Variants in SLIT1 observed in about 807,000 individuals in gnomAD.
The protein encoded by SLIT1 is slit guidance ligand 1.
SLIT1 carries 66 observed loss-of-function variants against 186.1 expected under a neutral mutation model. That is an observed-to-expected ratio of 0.35 (90% CI 0.29 to 0.44). The LOEUF (loss-of-function observed/expected upper bound fraction) is 0.44, where lower values mean the gene tolerates loss of function less well. SLIT1 is among the 20% of genes least tolerant of loss of function. The pLI is 1.00. For synonymous variants in SLIT1, 761 were observed against 833.8 expected, an observed-to-expected ratio of 0.91 and a Z score of 1.50; for missense variants, 1,638 against 2,037.4, an observed-to-expected ratio of 0.80 and a Z score of 3.77.
intron 4 of SLIT1, among the ~76,000 whole-genome samples, chr10:97,087,812 C>T (rs954924138): frequency 2.0e-5 from 3 of 152,244 alleles, no homozygotes; most frequent in Admixed American, 1.3e-4. Flanking sequence ...TCTTGATCAG[C>T]CCAGCCAATA....
intron 4 of SLIT1, among the ~76,000 whole-genome samples, chr10:97,069,214 T>C (rs1302733404): frequency 6.6e-6 from 1 of 152,164 alleles, no homozygotes; most frequent in African/African-American, 2.4e-5. Context: ...GAGCTCATGG[T>C]CATGCGAGTT....
chr10:97,009,977 C>T (rs927829009), intron 31 of SLIT1, among the ~76,000 whole-genome samples: 4 of 152,126 alleles, frequency 2.6e-5, no homozygotes, highest in Admixed American at 6.5e-5. Flanking sequence ...ATTGTGCAGC[C>T]ATTAGGAAAA....
intron 4 of SLIT1, among the ~76,000 whole-genome samples, chr10:97,107,537 G>A (rs1490695): frequency 0.28 from 43,286 of 151,968 alleles, 6,760 homozygotes; most frequent in African/African-American, 0.43. Context: ...ACCAATTCCT[G>A]TTCTCAAAGA....
intron 4 of SLIT1, among the ~76,000 whole-genome samples, chr10:97,098,500 G>T (rs754166867): frequency 6.6e-6 from 1 of 152,202 alleles, no homozygotes; most frequent in Non-Finnish European, 1.5e-5. Flanking sequence ...GTGAGCAGAG[G>T]CAGGAAGCCC....
intron 8 of SLIT1, 52 bp downstream of exon 8, chr10:97,063,403 G>A (rs1848911705): frequency 1.3e-6 from 2 of 1,595,916 alleles, no homozygotes; most frequent in East Asian, 4.5e-5. Flanking sequence ...GGAACAAGAG[G>A]CAGGGCAGGA....
chr10:97,110,860 T>C (rs1322717595), intron 4 of SLIT1, among the ~76,000 whole-genome samples: 1 of 152,200 alleles, frequency 6.6e-6, no homozygotes, highest in African/African-American at 2.4e-5. Context: ...CAAGACACAT[T>C]CTAAATTTTC....
intron 14 of SLIT1, 135 bp from the exon 15 acceptor site, chr10:97,048,131 G>A: frequency 1.1e-6 from 1 of 924,750 alleles, no homozygotes; most frequent in South Asian, 1.4e-5. Flanking sequence ...GTCCCTGTGT[G>A]CAGAAGGGCG....
intron 22 of SLIT1, among the ~76,000 whole-genome samples, chr10:97,034,805 T>C (rs1230512357): frequency 1.3e-5 from 2 of 152,018 alleles, no homozygotes; most frequent in African/African-American, 4.8e-5. Flanking sequence ...AAGCAGAGCC[T>C]GGCTCTGCCC....
At position 97,063,608 on chromosome 10, in the gene SLIT1, A is replaced by C. The variant is rs1355647290; in HGVS notation, c.640T>G (p.Ser214Ala). 6.2e-7 allele frequency: 1 copy of C among 1,606,248 alleles called. No individual in the cohort carries two copies. ...TGGCAGTCGCAAAACAGGTGGTTGG[A>C]GTGCAGGCGGCTGCAAGAGGACAGG... ...MPKLRTFRLHSNHLFCDCHLA... is the reference protein window; with the variant it reads ...MPKLRTFRLHANHLFCDCHLA... The change falls in exon 8 of 37, where the codon TCC (serine) becomes GCC (alanine). Residue 214 changes from serine to alanine, a missense_variant. Physicochemically the swap from Ser to Ala is moderately conservative, Grantham distance 99. This residue lies in a region of SLIT1 where 1,245 missense variants were observed against 1,535.3 expected (regional missense o/e 0.81). Transcript: ENST00000266058.
intron 21 of SLIT1, among the ~76,000 whole-genome samples, chr10:97,039,756 C>A (rs1374233539): frequency 6.6e-6 from 1 of 152,264 alleles, no homozygotes. Context: ...AGGGAGGAAG[C>A]ACTCGCTGCC....
intron 25 of SLIT1, among the ~76,000 whole-genome samples, chr10:97,024,894 G>A (rs962689747): frequency 6.6e-6 from 1 of 152,186 alleles, no homozygotes; most frequent in Admixed American, 6.5e-5. Flanking sequence ...GGCCCACGGC[G>A]TGGCTTACGG....
At chr10:97,103,754 T>C (rs1349428830) in intron 4 of SLIT1, 5 of 152,188 alleles carry the variant, frequency 3.3e-5, no homozygotes, top group African/African-American at 1.2e-4. Context: ...AGGACAGAGA[T>C]GTGAGTGTTG....
chr10:97,037,655 G>C (rs376355658), intron 22 of SLIT1, 43 bp downstream of exon 22: 1 of 1,499,258 alleles, frequency 6.7e-7, no homozygotes, highest in East Asian at 2.3e-5. Context: ...CTGATGGTTA[G>C]ATGCCAAAGG....
intron 36 of SLIT1, 51 bp from the exon 37 acceptor site, chr10:97,001,401 G>T: frequency 7.0e-7 from 1 of 1,429,394 alleles, no homozygotes; most frequent in Non-Finnish European, 9.7e-7. Flanking sequence ...CCATGGGTGA[G>T]CTGCTGCCTC....
At chr10:97,106,501 AG>A (rs2134675659) in intron 4 of SLIT1, among the ~76,000 whole-genome samples, 1 of 152,332 alleles carries the variant, frequency 6.6e-6, no homozygotes, top group Non-Finnish European at 1.5e-5. Context: ...CAGACTGCAA[AG>A]GAAGGAAGCT....
At chr10:97,113,593 C>T (rs571691207) in intron 4 of SLIT1, among the ~76,000 whole-genome samples, 12 of 150,160 alleles carry the variant, frequency 8.0e-5, no homozygotes, top group African/African-American at 2.9e-4. Flanking sequence ...GCTCCTGTTG[C>T]CCAGGCTGGA....
Position 97,018,477 on chromosome 10 carries a change from C to G in SLIT1, c.2969+109G>C, listed in dbSNP as rs959585049. 1.5e-5 allele frequency: 10 copies of G among 672,356 alleles called. No individual in the cohort carries two copies. The African/African-American group carries it at 1.6e-4, about 11-fold the overall frequency. 41.6% of individuals were successfully genotyped at this position (672,356 alleles called of 1,614,324 possible). A position where few individuals can be genotyped will look rare whatever the true frequency, so the allele number is the denominator to read the frequency against. On this transcript the variant is annotated intron_variant, in intron 28 of 36. Coordinates refer to ENST00000266058, the MANE Select transcript of SLIT1 (RefSeq NM_003061.3). Reference sequence around the variant, plus strand: ...CCCCCGACAGTGCGCCTCCACCTCCCCACAGGGCACAGGAGGCCTGGGCCA... The same window carrying G: ...CCCCCGACAGTGCGCCTCCACCTCCGCACAGGGCACAGGAGGCCTGGGCCA...
At chr10:97,137,333 T>C (rs367563728) in intron 4 of SLIT1, among the ~76,000 whole-genome samples, 18 of 152,336 alleles carry the variant, frequency 1.2e-4, no homozygotes, top group African/African-American at 4.3e-4. Flanking sequence ...TTTGGTTGCC[T>C]GATTCTCTTT....
At chr10:97,013,954 C>G (rs1211627068) in intron 29 of SLIT1, 65 bp downstream of exon 29, 1 of 1,592,322 alleles carries the variant, frequency 6.3e-7, no homozygotes, top group East Asian at 2.3e-5. Flanking sequence ...CACTCCCGAG[C>G]ATGGGGGCTC....
Sources: allele counts gnomAD v4.1 joint callset (sites outside exome capture counted in the v4.1 genomes callset), GRCh38; gene constraint gnomAD v4.1.1; regional missense constraint gnomAD v4.1.1; transcripts MANE v1.5; gene names NCBI Gene and HGNC (gene_info 2026-07-23, HGNC 2026-07-21).